Variants in SLC22A24 observed in about 807,000 individuals in gnomAD.
SLC22A24 encodes the protein steroid transmembrane transporter SLC22A24.
A neutral mutation model predicts 49.8 loss-of-function variants in SLC22A24; 53 were observed. The observed-to-expected ratio is 1.06, with a 90% confidence interval of 0.85 to 1.34. The LOEUF (loss-of-function observed/expected upper bound fraction) is 1.34, where lower values mean the gene tolerates loss of function less well. SLC22A24 is among the 40% of genes most tolerant of loss of function. The pLI is 0.00. For synonymous variants in SLC22A24, 302 were observed against 256.4 expected, an observed-to-expected ratio of 1.18 and a Z score of -1.70; for missense variants, 786 against 675.9, an observed-to-expected ratio of 1.16 and a Z score of -1.81.
chr11:63,110,037 T>A (rs370330080), intron 4 of SLC22A24, among the ~76,000 whole-genome samples: 8 of 152,130 alleles, frequency 5.3e-5, no homozygotes, highest in South Asian at 4.1e-4. Flanking sequence ...AGGTGTAAGG[T>A]AGGGATCCAG....
At chr11:63,114,959 T>C (rs1235245906) in intron 4 of SLC22A24, among the ~76,000 whole-genome samples, 1 of 152,174 alleles carries the variant, frequency 6.6e-6, no homozygotes, top group Non-Finnish European at 1.5e-5. Flanking sequence ...GGCACCTGCC[T>C]GTATGAGGTG....
intron 6 of SLC22A24, among the ~76,000 whole-genome samples, chr11:63,090,234 A>T (rs1224101328): frequency 6.6e-6 from 1 of 152,116 alleles, no homozygotes; most frequent in Non-Finnish European, 1.5e-5. Flanking sequence ...ACCTACAAAG[A>T]GGCTTAGACT....
Position 63,104,217 on chromosome 11 carries a change from G to A in SLC22A24, c.912C>T (p.His304=). ...CTTCAGTATTCTTTTTTCCATTTAT[G>A]TGTGCAACTCTTCTAAGCTCCTTTA... ...EGLKELRRVA[H]INGKKNTEET... Residue 304 remains histidine (H), a synonymous_variant, in exon 5 of 10, where the codon CAC becomes CAT. Transcript: ENST00000612278. 2 of 1,550,384 alleles carry A rather than the reference G, an allele frequency of 1.3e-6. No individual in the cohort carries two copies. The highest frequency in any genetic ancestry group is 1.7e-6 in the Non-Finnish European group (2 of 1,146,768).
intron 4 of SLC22A24, among the ~76,000 whole-genome samples, chr11:63,115,675 C>T (rs1342109160): frequency 6.6e-6 from 1 of 152,206 alleles, no homozygotes; most frequent in Admixed American, 6.5e-5. Context: ...CAGACCAGAG[C>T]TGTTCCTATT....
At chr11:63,096,338 CTG>C (rs2087055003) in intron 5 of SLC22A24, among the ~76,000 whole-genome samples, 1 of 152,128 alleles carries the variant, frequency 6.6e-6, no homozygotes, top group South Asian at 2.1e-4. Context: ...AGGTTAAACA[CTG>C]AGCCAGTGAT....
chr11:63,096,240 A>G, intron 5 of SLC22A24, 134 bp from the exon 6 acceptor site: 1 of 592,722 alleles, frequency 1.7e-6, no homozygotes. Context: ...GGGGAATATG[A>G]GCATTAAATA....
Position 63,080,951 on chromosome 11 carries a change from G to A in SLC22A24, c.1567C>T (p.Leu523Phe). The A allele has an allele frequency of 6.4e-7, 1 of 1,552,390 alleles. No homozygotes were observed. Residue 523 changes from leucine (L) to phenylalanine (F), a missense_variant, in exon 9 of 10, where the codon CTT (leucine) becomes TTT (phenylalanine). Physicochemically the swap from Leu to Phe is conservative, Grantham distance 22. Coordinates refer to ENST00000612278, the MANE Select transcript of SLC22A24 (RefSeq NM_001136506.2). ...LLLPETRDLP[L>F]PNTIQDVEND... ...TCCACATCCTGGATGGTGTTAGGAAGAGGTAGATCCCTGGTTTCTGGAAGG... is the reference window on the plus strand; with the variant it reads ...TCCACATCCTGGATGGTGTTAGGAAAAGGTAGATCCCTGGTTTCTGGAAGG...
At chr11:63,091,786 T>C (rs11501648) in intron 6 of SLC22A24, among the ~76,000 whole-genome samples, 81,083 of 151,902 alleles carry the variant, frequency 0.53, 21,682 homozygotes, top group African/African-American at 0.55. Flanking sequence ...TTTTGACAAA[T>C]CCATAGCCAA....
At chr11:63,080,443 A>AT (rs138659024) in intron 9 of SLC22A24, among the ~76,000 whole-genome samples, 18,187 of 152,064 alleles carry the variant, frequency 0.12, 1,199 homozygotes, top group Middle Eastern at 0.16. Context: ...TGCAAAGGAG[A>AT]TTTTGCTCTA....
intron 8 of SLC22A24, among the ~76,000 whole-genome samples, 174 bp downstream of exon 8, chr11:63,081,384 C>T (rs553862774): frequency 9.2e-5 from 14 of 152,180 alleles, no homozygotes; most frequent in African/African-American, 1.7e-4. Context: ...AGCAATAACC[C>T]GCAGCTTTGA....
At chr11:63,139,156 A>G (rs1278352491) in intron 1 of SLC22A24, among the ~76,000 whole-genome samples, 2 of 152,108 alleles carry the variant, frequency 1.3e-5, no homozygotes, top group African/African-American at 4.8e-5. Flanking sequence ...TTTTCTTCTC[A>G]GTCAACTGAA....
intron 6 of SLC22A24, among the ~76,000 whole-genome samples, chr11:63,092,529 C>CCTCAGAA (rs2087026847): frequency 5.9e-5 from 1 of 16,848 alleles, no homozygotes; most frequent in African/African-American, 1.1e-4. Flanking sequence ...ACCAAAACAG[C>CCTCAGAA]ATAACACCGC....
intron 6 of SLC22A24, among the ~76,000 whole-genome samples, chr11:63,084,361 G>A (rs745575865): frequency 1.3e-5 from 2 of 152,180 alleles, no homozygotes; most frequent in African/African-American, 4.8e-5. Context: ...GGTTGTATAG[G>A]CTCTGAAAGA....
intron 4 of SLC22A24, among the ~76,000 whole-genome samples, chr11:63,115,425 A>G (rs1369160752): frequency 6.6e-6 from 1 of 152,178 alleles, no homozygotes; most frequent in East Asian, 1.9e-4. Context: ...TGGGAAAAGC[A>G]CAGTATTTAG....
chr11:63,099,535 GAA>G (rs1469564607), intron 5 of SLC22A24, among the ~76,000 whole-genome samples: 1 of 151,440 alleles, frequency 6.6e-6, no homozygotes, highest in African/African-American at 2.4e-5. Context: ...AAACTATTCT[GAA>G]AAAATACGGG....
At chr11:63,095,230 G>A (rs1345625758) in intron 6 of SLC22A24, among the ~76,000 whole-genome samples, 1 of 152,064 alleles carries the variant, frequency 6.6e-6, no homozygotes, top group African/African-American at 2.4e-5. Flanking sequence ...TGCACATCCA[G>A]TTTGGAATAT....
At chr11:63,118,692 T>G in intron 4 of SLC22A24, 1 of 540,352 alleles carries the variant, frequency 1.9e-6, no homozygotes, top group East Asian at 2.9e-5. Flanking sequence ...AATAATTTCA[T>G]GATAATTCCA....
chr11:63,094,550 C>T (rs536238721), intron 6 of SLC22A24, among the ~76,000 whole-genome samples: 41 of 152,280 alleles, frequency 2.7e-4, no homozygotes, highest in African/African-American at 7.9e-4. Context: ...CCTGAGGAAT[C>T]GCCACACTGA....
intron 4 of SLC22A24, among the ~76,000 whole-genome samples, chr11:63,105,674 T>C (rs140530466): frequency 6.6e-6 from 1 of 152,090 alleles, no homozygotes; most frequent in East Asian, 1.9e-4. Context: ...TTTAGCCCAG[T>C]AAGTCATTTT....
Sources: allele counts gnomAD v4.1 joint callset (sites outside exome capture counted in the v4.1 genomes callset), GRCh38; gene constraint gnomAD v4.1.1; transcripts MANE v1.5; gene names NCBI Gene and HGNC (gene_info 2026-07-23, HGNC 2026-07-21).